The following PRUNE1 variants were observed in gnomAD, a reference collection of about 807,000 sequenced individuals.
PRUNE1 encodes the protein prune exopolyphosphatase 1.
Under a neutral mutation model 42.5 loss-of-function variants are expected in PRUNE1, and 25 were observed. The observed-to-expected ratio is 0.59, with a 90% CI of 0.43 to 0.82. PRUNE1 has a LOEUF of 0.82. Ranked by LOEUF, PRUNE1 falls within the 40% of genes least tolerant of loss-of-function variation. PRUNE1 has a pLI of 0.00. For missense variants in PRUNE1, 443 were observed against 539.3 expected, an observed-to-expected ratio of 0.82 and a Z score of 1.77; for synonymous variants, 203 against 217.1, an observed-to-expected ratio of 0.93 and a Z score of 0.57.
At chr1:151,011,788 T>TAA (rs1673784570) in intron 1 of PRUNE1, among the ~76,000 whole-genome samples, 2 of 151,806 alleles carry the variant, frequency 1.3e-5, no homozygotes, top group Non-Finnish European at 2.9e-5. Flanking sequence ...AATTAATTTT[T>TAA]TTTTTTTTTG....
intron 3 of PRUNE1, 105 bp downstream of exon 3, chr1:151,018,774 G>C (rs919246395): frequency 1.9e-6 from 2 of 1,061,776 alleles, no homozygotes; most frequent in Non-Finnish European, 2.7e-6. Context: ...TGGGCATGGT[G>C]GCTCATGCCT....
chr1:151,024,533 G>A, intron 3 of PRUNE1, 78 bp from the exon 4 acceptor site: 1 of 1,343,384 alleles, frequency 7.4e-7, no homozygotes, highest in South Asian at 1.2e-5. Flanking sequence ...TTGATGTGTG[G>A]GGTAGAGGTT....
intron 7 of PRUNE1, among the ~76,000 whole-genome samples, chr1:151,029,529 G>A (rs1352416077): frequency 6.6e-6 from 1 of 151,444 alleles, no homozygotes; most frequent in Non-Finnish European, 1.5e-5. Context: ...CACCACGCCC[G>A]GCTAATTTTT....
chr1:151,013,242 G>A (rs1290001356), intron 1 of PRUNE1, among the ~76,000 whole-genome samples: 2 of 152,166 alleles, frequency 1.3e-5, no homozygotes, highest in African/African-American at 2.4e-5. Context: ...CATGGTTTGC[G>A]GGTGGTGAAT....
chr1:151,031,193 GTT>G (rs777752037), intron 7 of PRUNE1, among the ~76,000 whole-genome samples: 48 of 119,530 alleles, frequency 4.0e-4, no homozygotes, highest in African/African-American at 1.5e-3. Flanking sequence ...GTGTGTGTGT[GTT>G]TTTTTTTTTT....
intron 7 of PRUNE1, among the ~76,000 whole-genome samples, chr1:151,030,158 AG>A (rs1250345266): frequency 1.3e-5 from 2 of 151,044 alleles, no homozygotes; most frequent in African/African-American, 4.9e-5. Flanking sequence ...GCTACTCAGG[AG>A]GCTGAGGCAG....
chr1:151,018,878 A>G (rs776015837), intron 3 of PRUNE1, among the ~76,000 whole-genome samples: 3 of 152,114 alleles, frequency 2.0e-5, no homozygotes, highest in Admixed American at 6.6e-5. Context: ...CCCCGTCTCT[A>G]CTAAAAATAT....
Position 151,019,419 on chromosome 1 carries a change from G to T in PRUNE1, c.335+750G>T, listed in dbSNP as rs587753255. Among the ~76,000 whole-genome samples the T allele has an allele frequency of 2.6e-5, 4 of 151,968 alleles. No homozygotes were observed. The East Asian group carries it at 5.8e-4, about 22-fold the overall frequency. On this transcript the variant is annotated intron_variant, in intron 3 of 7. Coordinates refer to ENST00000271620, the MANE Select transcript of PRUNE1 (RefSeq NM_021222.3). ...CAAAAAATTTTTAAAAATTAGGCAC[G>T]GTGGTGCATGCCTATGGTCCCAGCT...
intron 4 of PRUNE1, 53 bp from the exon 5 acceptor site, chr1:151,025,462 G>A (rs1571801723): frequency 1.3e-6 from 2 of 1,549,000 alleles, no homozygotes; most frequent in East Asian, 4.5e-5. Context: ...TGTTCTGGTG[G>A]TTGTGTGTGA....
At position 151,011,778 on chromosome 1, in the gene PRUNE1, A is replaced by G. The variant is rs1448304577; in HGVS notation, c.39+3107A>G. ...GTTTATTCATTTATTTATTTTAATT[A>G]ATTAATTTTTTTTTTTTTTGAGACA... is the stretch of plus-strand genomic sequence containing the variant. On this transcript the variant is annotated intron_variant, in intron 1 of 7. Transcript: ENST00000271620. Among the ~76,000 whole-genome samples, 3 of 135,854 alleles carry G rather than the reference A, an allele frequency of 2.2e-5. No homozygotes were observed. The East Asian group carries it at 6.3e-4, about 29-fold the overall frequency. The allele number at this position is 135,854 out of a possible 152,430, so 89.1% of individuals were successfully genotyped here.
At chr1:151,026,847 C>CTT (rs766393235) in intron 5 of PRUNE1, among the ~76,000 whole-genome samples, 377 of 128,608 alleles carry the variant, frequency 2.9e-3, no homozygotes, top group Admixed American at 4.8e-3. Flanking sequence ...TTCTTTCTTT[C>CTT]TTTTTTTTTT....
At chr1:151,025,824 T>C in intron 5 of PRUNE1, 151 bp downstream of exon 5, 3 of 715,868 alleles carry the variant, frequency 4.2e-6, no homozygotes, top group Non-Finnish European at 6.4e-6. Flanking sequence ...CACTGCAACC[T>C]CGACCTCCTG....
intron 6 of PRUNE1, among the ~76,000 whole-genome samples, 170 bp downstream of exon 6, chr1:151,027,497 G>A (rs916051754): frequency 6.6e-6 from 1 of 151,878 alleles, no homozygotes; most frequent in African/African-American, 2.4e-5. Flanking sequence ...CTGCACCGCT[G>A]TATTAGCCTC....
At position 151,025,647 on chromosome 1, in the gene PRUNE1, T is replaced by A. The variant is rs1269627665; in HGVS notation, c.653T>A (p.Leu218Gln). ...AAGAGAAATGATATATTTGATTCCC[T>A]ACAAAAGGCAAAGTTTGATGTATCA... ...LPKRNDIFDS[L>Q]QKAKFDVSGL... Residue 218 changes from leucine to glutamine, a missense_variant, in exon 5 of 8, where the codon CTA (leucine) becomes CAA (glutamine). Physicochemically the swap from Leu to Gln is moderately radical, Grantham distance 113. Coordinates refer to ENST00000271620, the MANE Select transcript of PRUNE1 (RefSeq NM_021222.3). The A allele has an allele frequency of 1.2e-6, 2 of 1,613,454 alleles. No homozygotes were observed. Among genetic ancestry groups the A allele is most frequent in the East Asian group, 2.2e-5 (1 of 44,882 alleles).
chr1:151,028,821 C>T lies in PRUNE1; in HGVS notation c.810C>T (p.Leu270=), dbSNP rs768923343. The T allele has an allele frequency of 6.2e-7, 1 of 1,614,138 alleles. No individual in the cohort carries two copies. Among genetic ancestry groups the T allele is most frequent in the Non-Finnish European group, 8.5e-7 (1 of 1,180,012 alleles). ...AGAGGTCTAACCTCCTTGCAGATCTCCATGCTTTCTGCCAGGCTCACAGCT... is the reference window on the plus strand; with the variant it reads ...AGAGGTCTAACCTCCTTGCAGATCTTCATGCTTTCTGCCAGGCTCACAGCT... The part of the protein sequence containing the change: ...FLQRSNLLAD[L]HAFCQAHSYD... Residue 270 remains leucine (L), a synonymous_variant, in exon 7 of 8, where the codon CTC becomes CTT. Transcript: ENST00000271620.
chr1:151,026,406 C>T lies in PRUNE1; in HGVS notation c.679+733C>T, dbSNP rs143737596. 1.2e-3 allele frequency among the ~76,000 whole-genome samples: 181 copies of T among 151,656 alleles called. 1 individual carries two copies. The highest frequency in any genetic ancestry group is 0.01 in the Middle Eastern group (3 of 294). On this transcript the variant is annotated intron_variant, in intron 5 of 7. Coordinates refer to ENST00000271620, the MANE Select transcript of PRUNE1 (RefSeq NM_021222.3). The stretch of plus-strand genomic sequence containing the variant: ...CCGGGAAGTGGAGGTTGCAGTGAGC[C>T]GAGATTGCGCCATTGTACTCCAGCT...
intron 1 of PRUNE1, among the ~76,000 whole-genome samples, chr1:151,012,876 A>G (rs925967573): frequency 6.6e-6 from 1 of 151,896 alleles, no homozygotes; most frequent in Non-Finnish European, 1.5e-5. Context: ...GGTTCAAGCA[A>G]TTCTCCCTGC....
At chr1:151,026,888 G>A (rs932069976) in intron 5 of PRUNE1, among the ~76,000 whole-genome samples, 7 of 142,692 alleles carry the variant, frequency 4.9e-5, no homozygotes, top group Admixed American at 2.9e-4. Context: ...AGGTTCAAGT[G>A]ATTCTCCTGC....
chr1:151,013,253 A>G (rs1306811615), intron 1 of PRUNE1, among the ~76,000 whole-genome samples: 1 of 152,196 alleles, frequency 6.6e-6, no homozygotes, highest in Non-Finnish European at 1.5e-5. Context: ...GGTGGTGAAT[A>G]GTCCAGTCAG....
Sources: allele counts gnomAD v4.1 joint callset (sites outside exome capture counted in the v4.1 genomes callset), GRCh38; gene constraint gnomAD v4.1.1; transcripts MANE v1.5; gene names NCBI Gene and HGNC (gene_info 2026-07-23, HGNC 2026-07-21).